Variants in SPAG16 observed in about 807,000 individuals in gnomAD.
SPAG16 encodes sperm-associated antigen 16 protein.
Under a neutral mutation model 80.4 loss-of-function variants are expected in SPAG16, and 86 were observed. That is an observed-to-expected ratio of 1.07 (90% CI 0.90 to 1.28). SPAG16 has a LOEUF of 1.28. Ranked by LOEUF, SPAG16 falls within the 50% of genes most tolerant of loss-of-function variation. The pLI, the probability that SPAG16 is intolerant of heterozygous loss-of-function variation, is 0.00. For synonymous variants in SPAG16, 294 were observed against 265.9 expected, an observed-to-expected ratio of 1.11 and a Z score of -1.03; for missense variants, 870 against 765.3, an observed-to-expected ratio of 1.14 and a Z score of -1.61.
At chr2:213,863,998 A>G (rs988975603) in intron 11 of SPAG16, among the ~76,000 whole-genome samples, 6 of 152,184 alleles carry the variant, frequency 3.9e-5, no homozygotes, top group Non-Finnish European at 5.9e-5. Context: ...GAAAATAAAT[A>G]TAACCATAAG....
chr2:214,136,728 T>G (rs917986237), intron 14 of SPAG16, among the ~76,000 whole-genome samples: 2 of 152,220 alleles, frequency 1.3e-5, no homozygotes, highest in African/African-American at 4.8e-5. Flanking sequence ...CCATAATTTA[T>G]TTGCTTTATT....
chr2:213,913,471 C>T (rs888273796), intron 11 of SPAG16, among the ~76,000 whole-genome samples: 62 of 148,726 alleles, frequency 4.2e-4, no homozygotes, highest in African/African-American at 1.4e-3. Flanking sequence ...TATAATAGAA[C>T]GAATATGTGT....
chr2:213,292,031 A>AG (rs1559376519), intron 1 of SPAG16, among the ~76,000 whole-genome samples: 1 of 152,222 alleles, frequency 6.6e-6, no homozygotes, highest in African/African-American at 2.4e-5. Flanking sequence ...TTTGCTGGGT[A>AG]GGAGTATGTA....
intron 10 of SPAG16, among the ~76,000 whole-genome samples, chr2:213,773,860 A>G (rs994559241): frequency 6.6e-6 from 1 of 152,120 alleles, no homozygotes; most frequent in African/African-American, 2.4e-5. Flanking sequence ...CCTAATTTGG[A>G]AATTTCTATT....
intron 10 of SPAG16, among the ~76,000 whole-genome samples, chr2:213,806,702 C>A (rs1286550370): frequency 6.6e-6 from 1 of 151,848 alleles, no homozygotes; most frequent in Admixed American, 6.6e-5. Flanking sequence ...TGAGTACAAA[C>A]CAAAGACTAA....
At chr2:213,588,674 C>T (rs1160786493) in intron 10 of SPAG16, among the ~76,000 whole-genome samples, 5 of 150,900 alleles carry the variant, frequency 3.3e-5, no homozygotes, top group East Asian at 1.9e-4. Flanking sequence ...CGGTGGCGGG[C>T]GCCTGTAGTC....
chr2:213,488,595 AGAC>A (rs1462893357), intron 9 of SPAG16, among the ~76,000 whole-genome samples: 1 of 152,144 alleles, frequency 6.6e-6, no homozygotes, highest in African/African-American at 2.4e-5. Context: ...AAACGAGAGA[AGAC>A]AATAGAGCGT....
chr2:213,942,768 G>T (rs1470228068), intron 12 of SPAG16, among the ~76,000 whole-genome samples: 1 of 152,178 alleles, frequency 6.6e-6, no homozygotes, highest in African/African-American at 2.4e-5. Context: ...TAGAGTTCAT[G>T]TGGGAGGGGA....
intron 10 of SPAG16, among the ~76,000 whole-genome samples, chr2:213,572,554 G>C (rs2059951144): frequency 6.6e-6 from 1 of 152,094 alleles, no homozygotes; most frequent in Admixed American, 6.5e-5. Flanking sequence ...CTGCTTGGGG[G>C]TCAGGAGTCA....
At chr2:214,074,325 G>A (rs1000728076) in intron 13 of SPAG16, among the ~76,000 whole-genome samples, 1 of 152,128 alleles carries the variant, frequency 6.6e-6, no homozygotes, top group African/African-American at 2.4e-5. Flanking sequence ...TTGTTTTTAT[G>A]AATGATATAG....
At chr2:213,934,869 G>A (rs1415913250) in intron 12 of SPAG16, among the ~76,000 whole-genome samples, 1 of 152,078 alleles carries the variant, frequency 6.6e-6, no homozygotes, top group Non-Finnish European at 1.5e-5. Context: ...TGTAACTTCA[G>A]TTAGGCTGCA....
intron 15 of SPAG16, among the ~76,000 whole-genome samples, chr2:214,166,057 A>G (rs1052143016): frequency 1.3e-5 from 2 of 152,184 alleles, no homozygotes; most frequent in African/African-American, 4.8e-5. Context: ...AATATCTCAA[A>G]TCCATGCAAT....
At chr2:213,985,862 C>T (rs1011237478) in intron 12 of SPAG16, among the ~76,000 whole-genome samples, 2 of 152,002 alleles carry the variant, frequency 1.3e-5, no homozygotes, top group African/African-American at 2.4e-5. Context: ...AGAGAAAGAG[C>T]AGAGTTATGC....
intron 15 of SPAG16, among the ~76,000 whole-genome samples, chr2:214,191,703 G>A (rs1369552057): frequency 4.5e-5 from 5 of 111,952 alleles, no homozygotes. Context: ...AACAGAGTGA[G>A]ACTCTGTCTC....
At chr2:213,533,677 T>A (rs2076149384) in intron 10 of SPAG16, among the ~76,000 whole-genome samples, 1 of 152,174 alleles carries the variant, frequency 6.6e-6, no homozygotes, top group African/African-American at 2.4e-5. Flanking sequence ...TAATTTTTCC[T>A]CTGAATATAA....
intron 9 of SPAG16, among the ~76,000 whole-genome samples, chr2:213,404,417 A>G (rs1010342721): frequency 1.3e-5 from 2 of 152,292 alleles, no homozygotes; most frequent in Middle Eastern, 3.4e-3. Flanking sequence ...ATCTACAACT[A>G]TCTGATCTTT....
chr2:213,417,365 TC>T (rs1255541692), intron 9 of SPAG16, among the ~76,000 whole-genome samples: 4 of 152,258 alleles, frequency 2.6e-5, no homozygotes, highest in South Asian at 2.1e-4. Flanking sequence ...GTTTTTGCTT[TC>T]ACAGCTTCAC....
chr2:214,271,849 C>A (rs1177047948), intron 15 of SPAG16, among the ~76,000 whole-genome samples: 1 of 144,300 alleles, frequency 6.9e-6, no homozygotes, highest in Non-Finnish European at 1.5e-5. Flanking sequence ...GAAACCCCCC[C>A]CCCAAAAAAA....
At chr2:214,119,437 G>A (rs2054105999) in intron 14 of SPAG16, among the ~76,000 whole-genome samples, 1 of 151,994 alleles carries the variant, frequency 6.6e-6, no homozygotes, top group Admixed American at 6.6e-5. Flanking sequence ...AATAGCCACA[G>A]AAAATTCAAT....
Sources: gnomAD v4.1 joint callset for allele counts (sites outside exome capture counted in the v4.1 genomes callset) on GRCh38, gnomAD v4.1.1 for gene constraint, MANE v1.5 for transcripts, NCBI Gene and HGNC (gene_info 2026-07-23, HGNC 2026-07-21) for gene names.